Variants in LRRC69 observed in about 807,000 individuals in gnomAD.
The protein encoded by LRRC69 is leucine rich repeat containing 69, also known as leucine-rich repeat-containing protein 69.
A neutral mutation model predicts 37.8 loss-of-function variants in LRRC69; 42 were observed. That is an observed-to-expected ratio of 1.11 (90% confidence interval 0.87 to 1.44). LRRC69 has a LOEUF of 1.44. Ranked by LOEUF, LRRC69 falls within the 40% of genes most tolerant of loss-of-function variation. The pLI is 0.00. For synonymous variants in LRRC69, 141 were observed against 143.1 expected, an observed-to-expected ratio of 0.99 and a Z score of 0.11; for missense variants, 357 against 401.9, an observed-to-expected ratio of 0.89 and a Z score of 0.96.
At chr8:91,155,658 C>T (rs529264003) in intron 5 of LRRC69, among the ~76,000 whole-genome samples, 1 of 150,740 alleles carries the variant, frequency 6.6e-6, no homozygotes, top group Non-Finnish European at 1.5e-5. Flanking sequence ...CTCTTCCCAG[C>T]CTCTAATAAC....
At chr8:91,149,695 T>C (rs1340102022) in intron 5 of LRRC69, among the ~76,000 whole-genome samples, 1 of 152,024 alleles carries the variant, frequency 6.6e-6, no homozygotes, top group Non-Finnish European at 1.5e-5. Context: ...ATTTTCATGA[T>C]ATTGATTCTT....
chr8:91,135,345 A>T (rs926121912), intron 4 of LRRC69, among the ~76,000 whole-genome samples: 1 of 152,090 alleles, frequency 6.6e-6, no homozygotes, highest in Non-Finnish European at 1.5e-5. Context: ...TTTACAAATA[A>T]AGAAATTGAA....
At chr8:91,108,858 A>G (rs1005454798) in intron 1 of LRRC69, among the ~76,000 whole-genome samples, 2 of 151,938 alleles carry the variant, frequency 1.3e-5, no homozygotes, top group Non-Finnish European at 2.9e-5. Flanking sequence ...GATAAAGAAA[A>G]AATTATGCAG....
At chr8:91,159,888 T>G (rs1196824208) in intron 5 of LRRC69, among the ~76,000 whole-genome samples, 1 of 150,426 alleles carries the variant, frequency 6.6e-6, no homozygotes, top group Non-Finnish European at 1.5e-5. Flanking sequence ...GTTCTTGGGA[T>G]GAAAATGATT....
Position 91,142,130 on chromosome 8 carries a change from G to A in LRRC69, c.651+6391G>A, listed in dbSNP as rs1236046398. 5.3e-5 allele frequency among the ~76,000 whole-genome samples: 8 copies of A among 151,914 alleles called. No individual in the cohort carries two copies. The East Asian group carries it at 9.7e-4, about 18-fold the overall frequency. ...AGCTCCTCTTTCCCTCAGGAGCCCC[G>A]TTATTTTTCAAACTGCAATCATTTG... On this transcript the variant is annotated intron_variant, in intron 5 of 7. Transcript: ENST00000448384.
intron 3 of LRRC69, 25 bp downstream of exon 3, chr8:91,127,185 G>T: frequency 6.6e-7 from 1 of 1,525,808 alleles, no homozygotes; most frequent in Non-Finnish European, 8.9e-7. Context: ...AGCAAGACTT[G>T]GTTAACAATC....
chr8:91,140,597 T>C (rs959901340), intron 5 of LRRC69, among the ~76,000 whole-genome samples: 5 of 151,590 alleles, frequency 3.3e-5, no homozygotes, highest in African/African-American at 1.2e-4. Flanking sequence ...TTTAACATTA[T>C]ATATTAAGCA....
At chr8:91,114,955 A>G (rs1248178329) in intron 1 of LRRC69, among the ~76,000 whole-genome samples, 1 of 152,042 alleles carries the variant, frequency 6.6e-6, no homozygotes, top group African/African-American at 2.4e-5. Flanking sequence ...GCAGAAAGAC[A>G]AATACTACAT....
intron 5 of LRRC69, among the ~76,000 whole-genome samples, chr8:91,152,404 G>A (rs778886691): frequency 4.0e-5 from 6 of 151,460 alleles, no homozygotes; most frequent in Non-Finnish European, 8.9e-5. Flanking sequence ...CCCATTGCTT[G>A]TTTTGTCAGG....
intron 5 of LRRC69, among the ~76,000 whole-genome samples, chr8:91,162,571 C>A (rs1456652129): frequency 1.3e-5 from 2 of 151,228 alleles, no homozygotes; most frequent in Non-Finnish European, 3.0e-5. Flanking sequence ...AGTATAGTTA[C>A]TCCTGCTCAC....
chr8:91,118,390 A>AAAAAAAC, intron 1 of LRRC69: 1 of 302,938 alleles, frequency 3.3e-6, no homozygotes, highest in Non-Finnish European at 6.1e-6. Flanking sequence ...AAAAAAAAAA[A>AAAAAAAC]AAAAGCCAGG....
At chr8:91,196,078 G>T (rs1379829962) in intron 6 of LRRC69, among the ~76,000 whole-genome samples, 1 of 152,078 alleles carries the variant, frequency 6.6e-6, no homozygotes, top group East Asian at 1.9e-4. Context: ...TGTCTGTAAA[G>T]TATTTTATTT....
At chr8:91,114,144 T>C (rs1303566089) in intron 1 of LRRC69, among the ~76,000 whole-genome samples, 1 of 151,862 alleles carries the variant, frequency 6.6e-6, no homozygotes, top group East Asian at 1.9e-4. Flanking sequence ...ATGGCTGTTA[T>C]CAGAAAGACA....
intron 5 of LRRC69, among the ~76,000 whole-genome samples, chr8:91,149,976 G>A (rs1808699553): frequency 6.6e-6 from 1 of 151,948 alleles, no homozygotes; most frequent in Non-Finnish European, 1.5e-5. Flanking sequence ...AGCTTAAGGA[G>A]ATTTTGGGCT....
At chr8:91,186,814 A>G (rs1183388778) in intron 5 of LRRC69, among the ~76,000 whole-genome samples, 2 of 151,978 alleles carry the variant, frequency 1.3e-5, no homozygotes, top group Non-Finnish European at 2.9e-5. Context: ...GGTGGTGAGG[A>G]GGTGGATGGG....
chr8:91,107,570 G>A (rs1282882430), intron 1 of LRRC69, among the ~76,000 whole-genome samples: 1 of 152,002 alleles, frequency 6.6e-6, no homozygotes, highest in Non-Finnish European at 1.5e-5. Flanking sequence ...TATATTTAAA[G>A]CTCCATGGCT....
chr8:91,186,679 C>T (rs1159731999), intron 5 of LRRC69, among the ~76,000 whole-genome samples: 2 of 152,116 alleles, frequency 1.3e-5, no homozygotes, highest in African/African-American at 4.8e-5. Context: ...AAAACCATTT[C>T]TTCAGCAAAA....
chr8:91,179,601 C>A (rs1393163710), intron 5 of LRRC69, among the ~76,000 whole-genome samples: 1 of 152,124 alleles, frequency 6.6e-6, no homozygotes, highest in Non-Finnish European at 1.5e-5. Flanking sequence ...CCTAGTCTAC[C>A]ATTTATATAG....
intron 7 of LRRC69, among the ~76,000 whole-genome samples, chr8:91,203,458 T>C (rs1163934885): frequency 1.3e-5 from 2 of 151,684 alleles, no homozygotes; most frequent in Non-Finnish European, 2.9e-5. Context: ...GTGGTGGTGA[T>C]CTTGGTTCAC....
Sources: gnomAD v4.1 joint callset for allele counts (sites outside exome capture counted in the v4.1 genomes callset) on GRCh38, gnomAD v4.1.1 for gene constraint, MANE v1.5 for transcripts, NCBI Gene and HGNC (gene_info 2026-07-23, HGNC 2026-07-21) for gene names.